Variants in DOCK7 observed in about 807,000 individuals in gnomAD.
DOCK7 encodes the protein dedicator of cytokinesis protein 7.
A neutral mutation model predicts 271.0 loss-of-function variants in DOCK7; 138 were observed. That is an observed-to-expected ratio of 0.51 (90% CI 0.44 to 0.59). The LOEUF (loss-of-function observed/expected upper bound fraction) is 0.59. Ranked by LOEUF, DOCK7 falls within the 20% of genes least tolerant of loss-of-function variation. The pLI, the probability that DOCK7 is intolerant of heterozygous loss-of-function variation, is 0.00. For synonymous variants in DOCK7, 823 were observed against 876.1 expected (o/e 0.94, Z 1.07); for missense variants, 2,066 against 2,592.4 (o/e 0.80, Z 4.41).
intron 40 of DOCK7, among the ~76,000 whole-genome samples, chr1:62,494,050 G>C (rs1646545929): frequency 6.6e-6 from 1 of 152,170 alleles, no homozygotes; most frequent in Non-Finnish European, 1.5e-5. Context: ...AATAAGCATA[G>C]TGCTGATAAT....
chr1:62,600,978 T>C, intron 14 of DOCK7: 1 of 734,714 alleles, frequency 1.4e-6, no homozygotes, highest in Non-Finnish European at 2.5e-6. Context: ...CGTTATAACA[T>C]TATGAACTGA....
At chr1:62,620,242 G>C (rs969393988) in intron 12 of DOCK7, among the ~76,000 whole-genome samples, 5 of 151,984 alleles carry the variant, frequency 3.3e-5, no homozygotes, top group Admixed American at 6.6e-5. Flanking sequence ...AGAATCACGG[G>C]AGATGGAGGT....
At chr1:62,498,863 G>A (rs545686416) in intron 37 of DOCK7, among the ~76,000 whole-genome samples, 10 of 151,536 alleles carry the variant, frequency 6.6e-5, no homozygotes, top group African/African-American at 2.2e-4. Flanking sequence ...GTGAAGTGGC[G>A]TGATCTTGGT....
At chr1:62,547,939 T>C (rs1452696108) in intron 22 of DOCK7, among the ~76,000 whole-genome samples, 1 of 152,178 alleles carries the variant, frequency 6.6e-6, no homozygotes, top group Non-Finnish European at 1.5e-5. Context: ...GACCTTTAAA[T>C]ACATAATTAA....
At chr1:62,685,411 TA>T (rs1661614857) in intron 1 of DOCK7, among the ~76,000 whole-genome samples, 1 of 152,222 alleles carries the variant, frequency 6.6e-6, no homozygotes, top group African/African-American at 2.4e-5. Context: ...TCATATTTGA[TA>T]ACAAGGAAGA....
At position 62,455,173 on chromosome 1, in the gene DOCK7, A is replaced by G. The variant is rs908891220; in HGVS notation, c.*241T>C. ...CTATGGTATAAATAATGGTAAATGT[A>G]TAGTGTACCTTTGAGTCATTAAAAT... is the stretch of plus-strand genomic sequence containing the variant. On this transcript the variant is annotated 3_prime_UTR_variant, in exon 50 of 50. Transcript: ENST00000635253. 2.4e-5 allele frequency: 15 copies of G among 618,016 alleles called. No homozygotes were observed. The highest frequency in any genetic ancestry group is 2.4e-4 in the African/African-American group (13 of 54,198). The allele number at this position is 618,016 out of a possible 1,614,324, so 38.3% of individuals were successfully genotyped here.
chr1:62,663,147 A>C lies in DOCK7; in HGVS notation c.39-17T>G, dbSNP rs1247960795. The C allele has an allele frequency of 6.3e-7, 1 of 1,582,912 alleles. No individual in the cohort carries two copies. Among genetic ancestry groups the C allele is most frequent in the Admixed American group, 1.7e-5 (1 of 57,944 alleles). ...GCCACCGTTCTACAATGAAGAAAGC[A>C]AAAACATACGCATTATTGAAAAAAA... On this transcript the variant is annotated splice_polypyrimidine_tract_variant and intron_variant, in intron 1 of 49. Transcript: ENST00000635253.
intron 40 of DOCK7, among the ~76,000 whole-genome samples, 197 bp from the exon 41 acceptor site, chr1:62,493,044 A>G (rs970698578): frequency 6.6e-6 from 1 of 152,320 alleles, no homozygotes; most frequent in African/African-American, 2.4e-5. Flanking sequence ...CCATTGCTAG[A>G]TAACTTTTCT....
In DOCK7 at chr1:62,680,923, T is replaced by G. The variant is rs867132666; in HGVS notation, c.38+7304A>C. 1.9e-3 allele frequency among the ~76,000 whole-genome samples: 292 copies of G among 152,272 alleles called. 2 individuals are homozygous for G. The highest frequency in any genetic ancestry group is 6.7e-3 in the African/African-American group (278 of 41,550). Reference sequence around the variant, plus strand: ...AGGATGTGGAGAAATAGGAACACTTTTACAGTGTTGGTGGGACTGTAAACT... The same window carrying G: ...AGGATGTGGAGAAATAGGAACACTTGTACAGTGTTGGTGGGACTGTAAACT... On this transcript the variant is annotated intron_variant, in intron 1 of 49. Transcript: ENST00000635253.
chr1:62,680,573 A>G (rs1661009094), intron 1 of DOCK7, among the ~76,000 whole-genome samples: 2 of 152,000 alleles, frequency 1.3e-5, no homozygotes, highest in South Asian at 4.2e-4. Context: ...CTGCACAGCA[A>G]AAGACACTAC....
At chr1:62,687,616 CCA>C (rs1553209257) in intron 1 of DOCK7, 1 of 152,272 alleles carries the variant, frequency 6.6e-6, no homozygotes, top group Non-Finnish European at 1.5e-5. Flanking sequence ...TTCATTCTGT[CCA>C]CACGTTTTCA....
Position 62,583,170 on chromosome 1 carries a change from T to C in DOCK7, c.1871+14A>G, listed in dbSNP as rs769042755. On this transcript the variant is annotated intron_variant, in intron 16 of 49. Transcript: ENST00000635253. ...GAAGTGAGTAACTTTGAAAGAAATA[T>C]TTGAATTCAGTACCTGTTATGATAT... 26 of 1,599,976 alleles carry C rather than the reference T, an allele frequency of 1.6e-5. No individual in the cohort carries two copies. The highest frequency in any genetic ancestry group is 1.7e-5 in the Non-Finnish European group (20 of 1,168,322).
intron 14 of DOCK7, among the ~76,000 whole-genome samples, chr1:62,601,419 T>A (rs930211552): frequency 2.0e-5 from 3 of 151,696 alleles, no homozygotes; most frequent in Non-Finnish European, 3.0e-5. Flanking sequence ...AGAAGGTTTA[T>A]TAATTTTCTT....
intron 48 of DOCK7, among the ~76,000 whole-genome samples, chr1:62,472,542 T>C (rs1645861740): frequency 6.6e-6 from 1 of 152,238 alleles, no homozygotes; most frequent in Admixed American, 6.5e-5. Context: ...ATTGTAGTCA[T>C]GGCAAAATAT....
intron 2 of DOCK7, among the ~76,000 whole-genome samples, chr1:62,660,329 CAA>C (rs908312221): frequency 2.0e-5 from 3 of 151,834 alleles, no homozygotes; most frequent in Non-Finnish European, 4.4e-5. Flanking sequence ...CCATGAGTTA[CAA>C]AAGTCTGAAA....
At chr1:62,621,120 G>A (rs548258853) in intron 12 of DOCK7, among the ~76,000 whole-genome samples, 19 of 151,994 alleles carry the variant, frequency 1.3e-4, no homozygotes, top group African/African-American at 3.9e-4. Context: ...GGAGAAGAAG[G>A]AAGAAAGGAG....
In DOCK7 at chr1:62,626,307, T is replaced by C. The variant is rs572674588; in HGVS notation, c.1283-906A>G. Among the ~76,000 whole-genome samples the C allele has an allele frequency of 6.6e-5, 10 of 151,734 alleles. No individual in the cohort carries two copies. The South Asian group carries it at 2.1e-3, about 32-fold the overall frequency. ...TCAAATCAGTAATATAACCTCAGAC[T>C]TCAACAAACTACAAACTACAAAAGA... On this transcript the variant is annotated intron_variant, in intron 11 of 49. Coordinates refer to ENST00000635253, the MANE Select transcript of DOCK7 (RefSeq NM_001367561.1).
intron 31 of DOCK7, among the ~76,000 whole-genome samples, chr1:62,520,757 A>G (rs1313637239): frequency 6.6e-6 from 1 of 152,202 alleles, no homozygotes; most frequent in African/African-American, 2.4e-5. Context: ...TACTGGGTAT[A>G]TACCCAAAGG....
chr1:62,677,635 A>T (rs1408660464), intron 1 of DOCK7, among the ~76,000 whole-genome samples: 1 of 152,132 alleles, frequency 6.6e-6, no homozygotes, highest in East Asian at 1.9e-4. Context: ...AAATGATGCA[A>T]CCCCAAAATA....
Sources: gnomAD v4.1 joint callset for allele counts (sites outside exome capture counted in the v4.1 genomes callset) on GRCh38, gnomAD v4.1.1 for gene constraint, MANE v1.5 for transcripts, NCBI Gene and HGNC (gene_info 2026-07-23, HGNC 2026-07-21) for gene names.